Variants in CELF2 observed in about 807,000 individuals in gnomAD.
CELF2 encodes the protein CUGBP Elav-like family member 2, also known as CUG triplet repeat RNA-binding protein 2.
In CELF2, 8 loss-of-function variants were observed where a neutral mutation model predicts 62.6. The ratio of observed to expected loss-of-function variants is 0.13; its 90% CI spans 0.07 to 0.23. CELF2 has a LOEUF of 0.23. Ranked by LOEUF, CELF2 falls within the 10% of genes least tolerant of loss-of-function variation. CELF2 has a pLI of 1.00. For missense variants in CELF2, 333 were observed against 671.0 expected, an observed-to-expected ratio of 0.50 and a Z score of 5.56; for synonymous variants, 258 against 250.0, an observed-to-expected ratio of 1.03 and a Z score of -0.30.
At chr10:10,647,651 T>C in the CELF2 span, among the ~76,000 whole-genome samples, 11 of 152,178 alleles carry the variant, frequency 7.2e-5, no homozygotes, top group Non-Finnish European at 1.2e-4. Flanking sequence ...TGATGGAGCA[T>C]ATCCCCGGGC....
the CELF2 span, among the ~76,000 whole-genome samples, chr10:10,673,759 GT>G: frequency 6.6e-6 from 1 of 152,052 alleles, no homozygotes; most frequent in African/African-American, 2.4e-5. Flanking sequence ...GGCTCAAAAT[GT>G]TTTTTAAATT....
chr10:10,884,142 A>G (rs896664810), intron 1 of CELF2, among the ~76,000 whole-genome samples: 3 of 152,240 alleles, frequency 2.0e-5, no homozygotes, highest in Admixed American at 6.5e-5. Flanking sequence ...AAGAAAAAAG[A>G]ATAACACCAC....
At position 10,887,778 on chromosome 10, in the gene CELF2, T is replaced by A. The variant is rs373937907; in HGVS notation, c.54-32186T>A. On this transcript the variant is annotated intron_variant, in intron 1 of 13. Transcript: ENST00000636488. ...AATTGTTCTGTGTAGACTTTTATTT[T>A]TTTTTTTTTTTGGAGACAAAGTCTC... Among the ~76,000 whole-genome samples the A allele has an allele frequency of 2.7e-3, 413 of 150,582 alleles. 5 individuals are homozygous for A. Among genetic ancestry groups the A allele is most frequent in the South Asian group, 0.017 (82 of 4,812 alleles).
At chr10:10,582,467 G>A in the CELF2 span, among the ~76,000 whole-genome samples, 5 of 152,128 alleles carry the variant, frequency 3.3e-5, no homozygotes, top group South Asian at 2.1e-4. Context: ...GGAACTTAGC[G>A]ATTATAGAGT....
chr10:10,919,096 C>T (rs765627600), intron 1 of CELF2, among the ~76,000 whole-genome samples: 5 of 152,072 alleles, frequency 3.3e-5, no homozygotes, highest in Non-Finnish European at 5.9e-5. Flanking sequence ...CGTGGAAAAA[C>T]CTGTCTCTAC....
the CELF2 span, among the ~76,000 whole-genome samples, chr10:10,666,586 G>GTTTAACCTTTAGCCTATTTTCAGTGGTT: frequency 1.2e-4 from 16 of 138,298 alleles, no homozygotes; most frequent in African/African-American, 2.8e-4. Context: ...AAAGAGGCCG[G>GTTTAACCTTTAGCCTATTTTCAGTGGTT]GCGCGGTGGC....
the CELF2 span, among the ~76,000 whole-genome samples, chr10:10,575,883 A>G: frequency 6.6e-6 from 1 of 152,230 alleles, no homozygotes; most frequent in East Asian, 1.9e-4. Context: ...TCAAGATCAC[A>G]GTAGAGGAAT....
intron 1 of CELF2, among the ~76,000 whole-genome samples, chr10:10,825,676 C>T (rs972539128): frequency 1.3e-5 from 2 of 152,112 alleles, no homozygotes; most frequent in Non-Finnish European, 1.5e-5. Context: ...TCTAGGTATC[C>T]GGAGTGTTGG....
the CELF2 span, among the ~76,000 whole-genome samples, chr10:10,642,857 G>A: frequency 6.6e-6 from 1 of 152,212 alleles, no homozygotes. Context: ...CAGTGGTGGA[G>A]GCTGTGTGTT....
At chr10:10,681,521 G>T in the CELF2 span, among the ~76,000 whole-genome samples, 1 of 152,194 alleles carries the variant, frequency 6.6e-6, no homozygotes, top group South Asian at 2.1e-4. Flanking sequence ...ATATAAACAA[G>T]TGCGTATGGC....
At chr10:10,775,895 C>T in the CELF2 span, among the ~76,000 whole-genome samples, 1 of 152,190 alleles carries the variant, frequency 6.6e-6, no homozygotes. Context: ...ATAACTTAAG[C>T]TGGTCCTAGT....
intron 1 of CELF2, among the ~76,000 whole-genome samples, chr10:10,847,230 C>A (rs1469057793): frequency 1.3e-5 from 2 of 151,806 alleles, no homozygotes; most frequent in Non-Finnish European, 2.9e-5. Flanking sequence ...GCACACACAT[C>A]TATAAACAAA....
intron 2 of CELF2, among the ~76,000 whole-genome samples, chr10:11,197,394 C>T (rs1283971771): frequency 1.3e-5 from 2 of 152,196 alleles, no homozygotes; most frequent in South Asian, 2.1e-4. Flanking sequence ...CCAGTTTCAT[C>T]TCAAGTTTCA....
chr10:10,810,666 G>C (rs2055773597), intron 1 of CELF2, among the ~76,000 whole-genome samples: 1 of 152,162 alleles, frequency 6.6e-6, no homozygotes, highest in African/African-American at 2.4e-5. Flanking sequence ...CCGGCAGAAG[G>C]AGGAAGGAGG....
chr10:10,544,992 G>A, the CELF2 span, among the ~76,000 whole-genome samples: 4 of 152,158 alleles, frequency 2.6e-5, no homozygotes, highest in African/African-American at 9.7e-5. Flanking sequence ...AGATTCTTAA[G>A]CCTGAAGTGC....
intron 8 of CELF2, among the ~76,000 whole-genome samples, chr10:11,276,046 T>A (rs2085962045): frequency 6.6e-6 from 1 of 152,250 alleles, no homozygotes; most frequent in Non-Finnish European, 1.5e-5. Context: ...GAAACCTACA[T>A]GTGCAGAATG....
chr10:10,706,403 G>A, the CELF2 span, among the ~76,000 whole-genome samples: 1 of 152,120 alleles, frequency 6.6e-6, no homozygotes, highest in Non-Finnish European at 1.5e-5. Flanking sequence ...TCATCTCCCT[G>A]TTCATATGAC....
the CELF2 span, among the ~76,000 whole-genome samples, chr10:10,650,081 T>C: frequency 2.8e-3 from 431 of 152,350 alleles, 3 homozygotes; most frequent in African/African-American, 9.9e-3. Flanking sequence ...GACTATTTGA[T>C]GCTCCGCAGA....
At chr10:11,266,510 C>G (rs2082225235) in intron 5 of CELF2, 88 bp from the exon 6 acceptor site, 2 of 915,186 alleles carry the variant, frequency 2.2e-6, no homozygotes, top group East Asian at 2.4e-5. Flanking sequence ...TGGCAGTTCT[C>G]GTAGACTGTG....
Sources: allele counts gnomAD v4.1 joint callset (sites outside exome capture counted in the v4.1 genomes callset), GRCh38; gene constraint gnomAD v4.1.1; transcripts MANE v1.5; gene names NCBI Gene and HGNC (gene_info 2026-07-23, HGNC 2026-07-21).